DGKH: variants seen among roughly 807,000 people sequenced by gnomAD.
DGKH encodes the protein diacylglycerol kinase eta.
A neutral mutation model predicts 159.3 loss-of-function variants in DGKH; 90 were observed. The ratio of observed to expected loss-of-function variants is 0.57; its 90% CI spans 0.48 to 0.67. The LOEUF (loss-of-function observed/expected upper bound fraction) is 0.67. DGKH is among the 30% of genes least tolerant of loss of function. The pLI, the probability that DGKH is intolerant of heterozygous loss-of-function variation, is 0.00. For synonymous variants in DGKH, 536 were observed against 553.8 expected (o/e 0.97, Z 0.45); for missense variants, 1,181 against 1,506.1 (o/e 0.78, Z 3.57).
At position 42,133,033 on chromosome 13, in the gene DGKH, T is replaced by C. The variant is rs1594070385; in HGVS notation, c.384+3401T>C. On this transcript the variant is annotated intron_variant, in intron 3 of 29. Coordinates refer to ENST00000337343, the MANE Select transcript of DGKH (RefSeq NM_178009.5). ...AAAAATACAAAAAATTAGTCAGGCA[T>C]GGTGCCACGTGCCTGTAGTCCCAGC... is the stretch of plus-strand genomic sequence containing the variant. Among the ~76,000 whole-genome samples the C allele has an allele frequency of 2.0e-5, 3 of 152,092 alleles. No individual in the cohort carries two copies. In the South Asian group the frequency reaches 6.3e-4, roughly 32 times the overall value.
intron 21 of DGKH, among the ~76,000 whole-genome samples, chr13:42,206,503 C>G (rs928426971): frequency 2.0e-5 from 3 of 152,156 alleles, no homozygotes; most frequent in Non-Finnish European, 4.4e-5. Context: ...GCTGCTATAA[C>G]AAGTTAACAC....
intron 28 of DGKH, among the ~76,000 whole-genome samples, 192 bp downstream of exon 28, chr13:42,219,986 A>G (rs1957925382): frequency 6.6e-6 from 1 of 152,196 alleles, no homozygotes; most frequent in Admixed American, 6.5e-5. Flanking sequence ...TATGAATTTT[A>G]CCATAAAAGA....
chr13:42,121,965 A>G (rs1442781313), intron 1 of DGKH, among the ~76,000 whole-genome samples: 1 of 152,152 alleles, frequency 6.6e-6, no homozygotes, highest in Non-Finnish European at 1.5e-5. Context: ...CTCATTACTA[A>G]TGACCATTTG....
upstream of DGKH, among the ~76,000 whole-genome samples, chr13:42,047,436 G>A (rs1880866169): frequency 6.6e-6 from 1 of 152,232 alleles, no homozygotes; most frequent in Non-Finnish European, 1.5e-5. Context: ...GAGATTGAAT[G>A]CTTTCTCCAG....
chr13:42,228,931 A>C (rs1389303045), intron 29 of DGKH, among the ~76,000 whole-genome samples, 168 bp from the exon 30 acceptor site: 1 of 152,122 alleles, frequency 6.6e-6, no homozygotes, highest in Non-Finnish European at 1.5e-5. Context: ...ATATAAACTA[A>C]AATGAATGAA....
At chr13:42,197,210 A>G (rs1219379796) in intron 17 of DGKH, among the ~76,000 whole-genome samples, 2 of 148,804 alleles carry the variant, frequency 1.3e-5, no homozygotes, top group African/African-American at 2.5e-5. Context: ...AGATCATGCT[A>G]CTATACTCCA....
intron 17 of DGKH, among the ~76,000 whole-genome samples, chr13:42,196,189 T>C (rs1026327269): frequency 6.6e-6 from 1 of 152,210 alleles, no homozygotes; most frequent in Non-Finnish European, 1.5e-5. Flanking sequence ...AGAACTTTCA[T>C]GCATTGGTGG....
intron 1 of DGKH, among the ~76,000 whole-genome samples, chr13:42,052,326 TCTA>T (rs1338476276): frequency 6.6e-6 from 1 of 152,248 alleles, no homozygotes; most frequent in Non-Finnish European, 1.5e-5. Context: ...TGCTGTCCTC[TCTA>T]CTATTTTCCT....
chr13:42,198,945 A>G (rs146787505), intron 18 of DGKH, among the ~76,000 whole-genome samples: 2 of 152,196 alleles, frequency 1.3e-5, no homozygotes, highest in East Asian at 3.9e-4. Flanking sequence ...AGGTTTACTT[A>G]TTTTGGGAAT....
At chr13:42,180,392 CT>C (rs2138067253) in intron 13 of DGKH, among the ~76,000 whole-genome samples, 2 of 152,332 alleles carry the variant, frequency 1.3e-5, no homozygotes, top group East Asian at 3.9e-4. Context: ...AGCGTTTTTT[CT>C]AGTGTTCAAT....
intron 24 of DGKH, among the ~76,000 whole-genome samples, chr13:42,212,049 A>G (rs1050797877): frequency 3.8e-4 from 58 of 152,182 alleles, no homozygotes; most frequent in African/African-American, 1.3e-3. Context: ...TGCTCTGTGT[A>G]TAGTAACTTA....
At chr13:42,061,065 G>A (rs1882125199) in intron 1 of DGKH, among the ~76,000 whole-genome samples, 1 of 147,690 alleles carries the variant, frequency 6.8e-6, no homozygotes, top group African/African-American at 2.7e-5. Flanking sequence ...TAGAGGAAGG[G>A]GTCTCCGAGC....
At chr13:42,119,523 A>G (rs555539478) in intron 1 of DGKH, among the ~76,000 whole-genome samples, 1 of 152,318 alleles carries the variant, frequency 6.6e-6, no homozygotes, top group African/African-American at 2.4e-5. Flanking sequence ...CATGACATTC[A>G]GTGTAGTTTC....
intron 1 of DGKH, among the ~76,000 whole-genome samples, chr13:42,096,437 T>G (rs1431870583): frequency 1.3e-5 from 2 of 152,234 alleles, no homozygotes; most frequent in Non-Finnish European, 2.9e-5. Flanking sequence ...TGTTTATGGC[T>G]GCATAGTATT....
downstream of DGKH, among the ~76,000 whole-genome samples, chr13:42,245,764 T>C (rs1958576297): frequency 6.6e-6 from 1 of 151,992 alleles, no homozygotes; most frequent in South Asian, 2.1e-4. Context: ...TTTTTAATTT[T>C]AGTAGAGACA....
In DGKH at chr13:42,106,071, A is replaced by C. The variant is rs1242120010; in HGVS notation, c.193-21392A>C. ...CACCCAGGCTGGAGTGCAGTGGCACAATCTTGGCTCACTGCAACCTTCGCC... is the reference window on the plus strand; with the variant it reads ...CACCCAGGCTGGAGTGCAGTGGCACCATCTTGGCTCACTGCAACCTTCGCC... On this transcript the variant is annotated intron_variant, in intron 1 of 29. Coordinates refer to ENST00000337343, the MANE Select transcript of DGKH (RefSeq NM_178009.5). Among the ~76,000 whole-genome samples the C allele has an allele frequency of 2.2e-4, 33 of 151,712 alleles. No individual in the cohort carries two copies. In the Middle Eastern group the frequency reaches 9.5e-3, roughly 44 times the overall value.
intron 1 of DGKH, among the ~76,000 whole-genome samples, chr13:42,079,454 T>G (rs2137715482): frequency 6.6e-6 from 1 of 152,182 alleles, no homozygotes; most frequent in East Asian, 1.9e-4. Context: ...TCCATTCCCC[T>G]CCTACCCTCT....
chr13:42,248,452 T>C lies in DGKH; in HGVS notation n.4055-3957T>C, dbSNP rs1958597125. Among the ~76,000 whole-genome samples, 5 of 147,300 alleles carry C rather than the reference T, an allele frequency of 3.4e-5. No homozygotes were observed. The South Asian group carries it at 8.4e-4, about 25-fold the overall frequency. ...AAAAAATATATATATAATATAGATA[T>C]ACATAAGTATAATATATAATTTATA... On this transcript the variant is annotated intron_variant and non_coding_transcript_variant, in intron 29 of 30. Coordinates refer to the DGKH transcript ENST00000498255.
At chr13:42,097,075 C>T (rs1446933101) in intron 1 of DGKH, among the ~76,000 whole-genome samples, 1 of 152,180 alleles carries the variant, frequency 6.6e-6, no homozygotes, top group East Asian at 1.9e-4. Context: ...CAGCCTTTCC[C>T]TCCGGGGCTT....
Sources: gnomAD v4.1 joint callset for allele counts (sites outside exome capture counted in the v4.1 genomes callset) on GRCh38, gnomAD v4.1.1 for gene constraint, MANE v1.5 for transcripts, NCBI Gene and HGNC (gene_info 2026-07-23, HGNC 2026-07-21) for gene names.